CRACD: variants seen among roughly 807,000 people sequenced by gnomAD.
CRACD encodes the protein capping protein inhibiting regulator of actin dynamics.
In CRACD, 56 loss-of-function variants were observed where a neutral mutation model predicts 106.8. The ratio of observed to expected loss-of-function variants is 0.52; its 90% confidence interval spans 0.42 to 0.66. The LOEUF is 0.66. Among genes scored for constraint, CRACD ranks in the 30% least tolerant of loss-of-function variants. CRACD has a pLI of 0.00. For missense variants in CRACD, 1,730 were observed against 1,623.2 expected (o/e 1.07, Z -1.13); for synonymous variants, 754 against 670.8 (o/e 1.12, Z -1.92).
At chr4:56,154,507 AT>A (rs1221633440) in intron 1 of CRACD, among the ~76,000 whole-genome samples, 2 of 106,004 alleles carry the variant, frequency 1.9e-5, no homozygotes, top group Non-Finnish European at 3.6e-5. Flanking sequence ...GAATCAAATA[AT>A]TTTTATAAGC....
At chr4:56,243,975 T>C (rs1009437894) in intron 2 of CRACD, among the ~76,000 whole-genome samples, 2 of 152,196 alleles carry the variant, frequency 1.3e-5, no homozygotes, top group African/African-American at 4.8e-5. Context: ...TCTATGTCCG[T>C]GAGTTCAAAG....
intron 4 of CRACD, 82 bp downstream of exon 4, chr4:56,298,431 C>T (rs1744180481): frequency 6.5e-7 from 1 of 1,544,980 alleles, no homozygotes; most frequent in South Asian, 1.2e-5. Flanking sequence ...CGAGCTTGGC[C>T]TTGAGTAATG....
chr4:56,176,216 G>A (rs1019203164), intron 1 of CRACD, among the ~76,000 whole-genome samples: 1 of 152,088 alleles, frequency 6.6e-6, no homozygotes, highest in East Asian at 1.9e-4. Context: ...GTAGTGTGAT[G>A]ACTCCAGCTT....
chr4:56,098,562 T>C (rs574325814), intron 1 of CRACD, among the ~76,000 whole-genome samples: 1 of 152,334 alleles, frequency 6.6e-6, no homozygotes, highest in Non-Finnish European at 1.5e-5. Context: ...TAAAGCATTA[T>C]TCATTTTTAA....
chr4:56,179,664 C>T lies in CRACD; in HGVS notation c.-189+234C>T, dbSNP rs1560473739. ...ATTCTCTGAACCCCAGTTATTTCAT[C>T]TATAAAAGAAAGTTTCATGGGAAAA... On this transcript the variant is annotated intron_variant, in intron 2 of 10. Coordinates refer to ENST00000682029, the MANE Select transcript of CRACD (RefSeq NM_001393381.1). Among the ~76,000 whole-genome samples, 2 of 152,112 alleles carry T rather than the reference C, an allele frequency of 1.3e-5. 1 individual carries two copies. Among genetic ancestry groups the T allele is most frequent in the East Asian group, 3.9e-4 (2 of 5,190 alleles).
At chr4:56,065,321 C>G (rs1732429695) in intron 1 of CRACD, among the ~76,000 whole-genome samples, 1 of 152,108 alleles carries the variant, frequency 6.6e-6, no homozygotes, top group South Asian at 2.1e-4. Flanking sequence ...ATCCTCACCT[C>G]AGGTGATCCA....
At chr4:56,292,370 G>A (rs1743743531) in intron 3 of CRACD, among the ~76,000 whole-genome samples, 1 of 152,186 alleles carries the variant, frequency 6.6e-6, no homozygotes, top group Non-Finnish European at 1.5e-5. Context: ...CCTAGAAGTG[G>A]AGGCAAAACA....
intron 2 of CRACD, among the ~76,000 whole-genome samples, chr4:56,182,861 ATATGTGTGTG>A (rs1192412775): frequency 1.3e-4 from 13 of 101,990 alleles, no homozygotes; most frequent in Non-Finnish European, 2.1e-4. Flanking sequence ...GAAAAAAAAG[ATATGTGTGTG>A]TGTGTGTGTG....
At chr4:56,063,663 A>G (rs1732359792) in intron 1 of CRACD, among the ~76,000 whole-genome samples, 1 of 151,910 alleles carries the variant, frequency 6.6e-6, no homozygotes, top group South Asian at 2.1e-4. Flanking sequence ...TTTGCGTCTC[A>G]TTTCAGGTCA....
intron 1 of CRACD, among the ~76,000 whole-genome samples, chr4:56,146,689 A>T (rs949840598): frequency 2.6e-5 from 4 of 151,676 alleles, no homozygotes; most frequent in Non-Finnish European, 4.4e-5. Flanking sequence ...ACAATGATAT[A>T]TTTGTTCTTT....
intron 2 of CRACD, among the ~76,000 whole-genome samples, chr4:56,266,737 T>C (rs1249688029): frequency 6.6e-6 from 1 of 152,238 alleles, no homozygotes; most frequent in African/African-American, 2.4e-5. Flanking sequence ...CTTAATCCAG[T>C]TGATTCTGTG....
chr4:56,217,656 C>A (rs897338046), intron 2 of CRACD, among the ~76,000 whole-genome samples: 1 of 152,184 alleles, frequency 6.6e-6, no homozygotes, highest in Non-Finnish European at 1.5e-5. Flanking sequence ...TTAAAGAGTC[C>A]GTTCTGTCAG....
In CRACD at chr4:56,231,118, ACTT is replaced by A. The variant is rs369895617; in HGVS notation, c.-188-41197_-188-41195del. ...TTTACCTAAAGAGAATCACTCTTAC[ACTT>A]CTTCTGATTTATTTTCCTTCTAGGC... is the stretch of plus-strand genomic sequence containing the variant. On this transcript the variant is annotated intron_variant, in intron 2 of 10. Coordinates refer to ENST00000682029, the MANE Select transcript of CRACD (RefSeq NM_001393381.1). Among the ~76,000 whole-genome samples, 94 of 152,340 alleles carry A rather than the reference ACTT, an allele frequency of 6.2e-4. 1 individual carries two copies. Among genetic ancestry groups the A allele is most frequent in the Middle Eastern group, 3.4e-3 (1 of 292 alleles).
intron 10 of CRACD, among the ~76,000 whole-genome samples, chr4:56,325,530 G>T (rs1393302313): frequency 6.6e-6 from 1 of 152,158 alleles, no homozygotes; most frequent in Admixed American, 6.5e-5. Context: ...TGGCTTTACA[G>T]AGTAAAGTTT....
At chr4:56,099,530 C>A (rs191854576) in intron 1 of CRACD, among the ~76,000 whole-genome samples, 4 of 152,122 alleles carry the variant, frequency 2.6e-5, no homozygotes, top group African/African-American at 9.7e-5. Context: ...CTGACTGTTC[C>A]GAAATGGCTG....
At chr4:56,270,125 T>C (rs1047687312) in intron 2 of CRACD, among the ~76,000 whole-genome samples, 3 of 152,256 alleles carry the variant, frequency 2.0e-5, no homozygotes, top group African/African-American at 7.2e-5. Context: ...ATTGTCTTTT[T>C]GTAATTGGTT....
chr4:56,187,365 G>T (rs1423967129), intron 2 of CRACD, among the ~76,000 whole-genome samples: 1 of 152,016 alleles, frequency 6.6e-6, no homozygotes, highest in Middle Eastern at 3.2e-3. Flanking sequence ...ACACTCGAGG[G>T]GGGCACACAA....
At chr4:56,148,664 C>T (rs1468800176) in intron 1 of CRACD, among the ~76,000 whole-genome samples, 3 of 152,114 alleles carry the variant, frequency 2.0e-5, no homozygotes, top group African/African-American at 4.8e-5. Flanking sequence ...TTGTTACTAT[C>T]CCTTGCATCA....
At chr4:56,219,051 C>T (rs185277665) in intron 2 of CRACD, among the ~76,000 whole-genome samples, 16 of 152,264 alleles carry the variant, frequency 1.1e-4, no homozygotes, top group Non-Finnish European at 2.4e-4. Context: ...TCAGAACTTT[C>T]TAACTGGTAG....
Sources: gnomAD v4.1 joint callset for allele counts (sites outside exome capture counted in the v4.1 genomes callset) on GRCh38, gnomAD v4.1.1 for gene constraint, MANE v1.5 for transcripts, NCBI Gene and HGNC (gene_info 2026-07-23, HGNC 2026-07-21) for gene names.